PCDH11X: variants seen among roughly 807,000 people sequenced by gnomAD.
PCDH11X encodes the protein protocadherin 11 X-linked, also known as protocadherin-11 X-linked.
PCDH11X carries 18 observed loss-of-function variants against 53.3 expected under a neutral mutation model. The ratio of observed to expected loss-of-function variants is 0.34; its 90% confidence interval spans 0.23 to 0.50. The LOEUF (loss-of-function observed/expected upper bound fraction) is 0.50. Ranked by LOEUF, PCDH11X falls within the 20% of genes least tolerant of loss-of-function variation. The pLI is 0.98. For synonymous variants in PCDH11X, 279 were observed against 393.3 expected (o/e 0.71, Z 3.44); for missense variants, 570 against 1,032.4 (o/e 0.55, Z 6.14).
chrX:92,501,011 C>A (rs1458960438), intron 10 of PCDH11X, among the ~76,000 whole-genome samples: 2 of 110,551 alleles, frequency 1.8e-5, no homozygotes, highest in Non-Finnish European at 3.8e-5. Context: ...AAAGAATAAT[C>A]AAATAAACAC....
At chrX:91,815,073 A>C (rs1295403853) in intron 4 of PCDH11X, among the ~76,000 whole-genome samples, 1 of 111,048 alleles carries the variant, frequency 9.0e-6, no homozygotes, top group Admixed American at 9.6e-5. Flanking sequence ...CCTGTTTTAC[A>C]CAAAGATACA....
rs776074579 is a variant in PCDH11X, at chrX:91,832,336, C to CTTT, written c.-44-3122_-44-3120dup. Among the ~76,000 whole-genome samples, 30 of 109,773 alleles carry CTTT rather than the reference C, an allele frequency of 2.7e-4. No homozygotes were observed. In the South Asian group the frequency reaches 0.012, roughly 43 times the overall value. On this transcript the variant is annotated intron_variant, in intron 4 of 10. Transcript: ENST00000682573. ...CCATAAAAAAGGATGAGTTCATGTC[C>CTTT]TTTTTAAGGACAAGGATGAAGCTGG...
chrX:91,910,458 A>G (rs1473805405), intron 6 of PCDH11X, among the ~76,000 whole-genome samples: 2 of 112,028 alleles, frequency 1.8e-5, no homozygotes, highest in Non-Finnish European at 3.8e-5. Flanking sequence ...ATATTTAAGC[A>G]AGTTTATAAT....
chrX:91,882,869 C>T, intron 6 of PCDH11X: 1 of 1,181,042 alleles, frequency 8.5e-7, no homozygotes, highest in Non-Finnish European at 1.1e-6. Flanking sequence ...AGAACACAAC[C>T]ATCTGATTTT....
At chrX:91,804,190 C>T (rs1799521079) in intron 1 of PCDH11X, among the ~76,000 whole-genome samples, 1 of 111,638 alleles carries the variant, frequency 9.0e-6, no homozygotes, top group Non-Finnish European at 1.9e-5. Flanking sequence ...AAAAAATCAT[C>T]GAGTTAATTA....
At chrX:91,895,681 A>C (rs1216518412) in intron 6 of PCDH11X, among the ~76,000 whole-genome samples, 1 of 108,740 alleles carries the variant, frequency 9.2e-6, no homozygotes, top group African/African-American at 3.3e-5. Flanking sequence ...AACAGTCCAG[A>C]AAGATATTTA....
intron 6 of PCDH11X, among the ~76,000 whole-genome samples, chrX:91,892,500 G>A (rs774901498): frequency 8.2e-5 from 9 of 110,299 alleles, no homozygotes; most frequent in Non-Finnish European, 1.5e-4. Flanking sequence ...ACCTTGCCAT[G>A]CACCTCATAT....
chrX:92,393,942 A>G (rs767468592), intron 9 of PCDH11X, among the ~76,000 whole-genome samples: 3 of 111,210 alleles, frequency 2.7e-5, no homozygotes, highest in East Asian at 5.6e-4. Context: ...TCAAAAGTAA[A>G]TCTTTCTCTA....
chrX:92,199,555 A>G (rs1005442655), intron 6 of PCDH11X, among the ~76,000 whole-genome samples: 1 of 111,164 alleles, frequency 9.0e-6, no homozygotes, highest in African/African-American at 3.3e-5. Flanking sequence ...CTAAGCACTA[A>G]GTTTTCCTGC....
At chrX:92,147,810 C>CTTTCTTTCTTTCCTTCTTT (rs1556065506) in intron 6 of PCDH11X, among the ~76,000 whole-genome samples, 1 of 70,198 alleles carries the variant, frequency 1.4e-5, no homozygotes, top group Non-Finnish European at 2.6e-5. Context: ...TTTCTTCCTT[C>CTTTCTTTCTTTCCTTCTTT]CTTTCTTTCT....
chrX:92,344,437 AGTCT>A (rs1441428462), intron 8 of PCDH11X, among the ~76,000 whole-genome samples: 2 of 100,587 alleles, frequency 2.0e-5, no homozygotes, highest in Non-Finnish European at 4.0e-5. Context: ...CTTCTGTCTC[AGTCT>A]GAGTTCTCCC....
intron 9 of PCDH11X, among the ~76,000 whole-genome samples, chrX:92,407,113 A>G (rs1220969638): frequency 1.9e-5 from 2 of 103,857 alleles, no homozygotes; most frequent in Admixed American, 1.1e-4. Flanking sequence ...GTAGTCATGT[A>G]CAGACCTTTC....
At chrX:92,301,782 A>G (rs928127031) in intron 8 of PCDH11X, among the ~76,000 whole-genome samples, 2 of 109,098 alleles carry the variant, frequency 1.8e-5, no homozygotes, top group African/African-American at 6.8e-5. Flanking sequence ...ATGGCCTCGT[A>G]CAATGAATTA....
chrX:92,520,316 A>G (rs1165728741), intron 10 of PCDH11X, among the ~76,000 whole-genome samples: 1 of 106,474 alleles, frequency 9.4e-6, no homozygotes, highest in Admixed American at 1.0e-4. Context: ...TATGTCTTTT[A>G]AAATGTATAT....
intron 4 of PCDH11X, among the ~76,000 whole-genome samples, chrX:91,825,432 G>C (rs888582189): frequency 8.9e-6 from 1 of 111,753 alleles, no homozygotes; most frequent in African/African-American, 3.3e-5. Flanking sequence ...GGATTGACCC[G>C]ATTTTCCAGG....
In PCDH11X at chrX:91,935,246, A is replaced by C. The variant is rs1321179884; in HGVS notation, c.3033+55973A>C. ...TGCAAGTGAGGAACAATATTGGAAC[A>C]TATTTTCAGTTTTTCATGGCTATAG... is the stretch of plus-strand genomic sequence containing the variant. On this transcript the variant is annotated intron_variant, in intron 6 of 10. Transcript: ENST00000682573. Among the ~76,000 whole-genome samples the C allele has an allele frequency of 3.7e-5, 4 of 108,182 alleles. No homozygotes were observed. In the Admixed American group the frequency reaches 4.0e-4, roughly 11 times the overall value. The allele number at this position is 108,182 out of a possible 115,157, so 93.9% of individuals were successfully genotyped here. A position where few individuals can be genotyped will look rare whatever the true frequency, so the allele number is the denominator to read the frequency against.
At chrX:92,007,510 C>G (rs1023563227) in intron 6 of PCDH11X, among the ~76,000 whole-genome samples, 13 of 111,376 alleles carry the variant, frequency 1.2e-4, no homozygotes, top group African/African-American at 4.3e-4. Context: ...AGGGCAATGG[C>G]CTCTCCTCTG....
intron 6 of PCDH11X, among the ~76,000 whole-genome samples, chrX:91,930,652 T>C (rs1942101892): frequency 9.4e-6 from 1 of 106,646 alleles, no homozygotes; most frequent in Non-Finnish European, 1.9e-5. Context: ...GATTAGCCCT[T>C]AGCTAGCAAA....
intron 6 of PCDH11X, among the ~76,000 whole-genome samples, chrX:92,159,097 T>G (rs1275399425): frequency 6.2e-5 from 7 of 112,195 alleles, no homozygotes; most frequent in African/African-American, 2.3e-4. Flanking sequence ...TGCTAATAAT[T>G]AAATTCTTGC....
Sources: gnomAD v4.1 joint callset for allele counts (sites outside exome capture counted in the v4.1 genomes callset) on GRCh38, gnomAD v4.1.1 for gene constraint, MANE v1.5 for transcripts, NCBI Gene and HGNC (gene_info 2026-07-23, HGNC 2026-07-21) for gene names.